Variants in ZNF18 observed in about 807,000 individuals in gnomAD.
ZNF18 encodes the protein zinc finger protein 18, also known as heart development-specific gene 1 protein.
A neutral mutation model predicts 58.1 loss-of-function variants in ZNF18; 42 were observed. The observed-to-expected ratio is 0.72, with a 90% CI of 0.56 to 0.93. The LOEUF (loss-of-function observed/expected upper bound fraction) is 0.93, where lower values mean the gene tolerates loss of function less well. Among genes scored for constraint, ZNF18 ranks in the 40% least tolerant of loss-of-function variants. ZNF18 has a pLI of 0.00. For synonymous variants in ZNF18, 231 were observed against 239.8 expected (o/e 0.96, Z 0.34); for missense variants, 540 against 644.2 (o/e 0.84, Z 1.75).
chr17:12,012,340 C>T, the ZNF18 span, among the ~76,000 whole-genome samples: 2 of 152,176 alleles, frequency 1.3e-5, no homozygotes, highest in Non-Finnish European at 2.9e-5. Flanking sequence ...GGGTAGTATT[C>T]GCTCCATGTT....
At chr17:12,004,428 G>A in the ZNF18 span, among the ~76,000 whole-genome samples, 1 of 152,088 alleles carries the variant, frequency 6.6e-6, no homozygotes, top group Non-Finnish European at 1.5e-5. Context: ...TCAGTTTGAA[G>A]ATAACAGTAA....
At chr17:11,992,384 T>C in intron 2 of ZNF18, 59 bp downstream of exon 2, 1 of 1,557,882 alleles carries the variant, frequency 6.4e-7, no homozygotes, top group Admixed American at 1.9e-5. Flanking sequence ...ACAACACACC[T>C]GATGGGACCA....
chr17:11,981,445 A>G (rs1360929747), intron 6 of ZNF18, among the ~76,000 whole-genome samples: 3 of 147,776 alleles, frequency 2.0e-5, no homozygotes, highest in Non-Finnish European at 1.5e-5. Flanking sequence ...TCAGCCTCCC[A>G]AGTAGCTGGG....
intron 3 of ZNF18, 103 bp downstream of exon 3, chr17:11,990,871 A>C: frequency 1.5e-6 from 2 of 1,312,830 alleles, no homozygotes; most frequent in Non-Finnish European, 2.1e-6. Flanking sequence ...CAAACCTCTC[A>C]GGGATACGCC....
the ZNF18 span, among the ~76,000 whole-genome samples, chr17:12,008,140 C>A: frequency 9.9e-5 from 15 of 152,106 alleles, no homozygotes; most frequent in African/African-American, 3.4e-4. Flanking sequence ...GGCTGGTTAC[C>A]CGGAATTAAG....
chr17:11,997,690 T>C (rs927832754), upstream of ZNF18, among the ~76,000 whole-genome samples: 4 of 152,222 alleles, frequency 2.6e-5, no homozygotes, highest in Non-Finnish European at 4.4e-5. Context: ...TAATCACTGT[T>C]CCTGAGTTCC....
the ZNF18 span, among the ~76,000 whole-genome samples, chr17:12,012,323 T>C: frequency 2.0e-5 from 3 of 152,236 alleles, no homozygotes; most frequent in Non-Finnish European, 4.4e-5. Context: ...TTCCTCTTCT[T>C]ACAGCTGGGT....
At chr17:11,983,200 T>C (rs770408599) in intron 6 of ZNF18, 97 bp downstream of exon 6, 29 of 832,168 alleles carry the variant, frequency 3.5e-5, no homozygotes, top group East Asian at 5.0e-5. Flanking sequence ...TAATAGAATA[T>C]TCTGCCTCCC....
chr17:11,978,694 C>T lies in ZNF18; in HGVS notation c.913G>A (p.Asp305Asn). 6.2e-7 allele frequency: 1 copy of T among 1,605,986 alleles called. No individual in the cohort carries two copies. Among genetic ancestry groups the T allele is most frequent in the South Asian group, 1.1e-5 (1 of 90,370 alleles). ...CAGGAAGCATGCAGGAGCTCCTGGT[C>T]CCTGTGATTCTCCAAATTTAGGTTC... ...KENLNLENHRDQELLHASCQA... is the reference protein window; with the variant it reads ...KENLNLENHRNQELLHASCQA... The change falls in exon 7 of 7, where the codon GAC (aspartate) becomes AAC (asparagine). Residue 305 changes from aspartate to asparagine, a missense_variant. Coordinates refer to ENST00000580306, the MANE Select transcript of ZNF18 (RefSeq NM_001303281.2).
At chr17:11,995,792 A>G (rs894128941) in intron 1 of ZNF18, 2 of 152,002 alleles carry the variant, frequency 1.3e-5, no homozygotes, top group Non-Finnish European at 2.9e-5. Context: ...CAGAGTATAC[A>G]TTCATTACAA....
chr17:11,997,776 G>C (rs1968569500), upstream of ZNF18, among the ~76,000 whole-genome samples: 1 of 152,244 alleles, frequency 6.6e-6, no homozygotes, highest in Admixed American at 6.5e-5. Flanking sequence ...GGCCTTCAAA[G>C]ATCATTTCTT....
At chr17:12,014,595 A>G in the ZNF18 span, among the ~76,000 whole-genome samples, 2 of 152,230 alleles carry the variant, frequency 1.3e-5, no homozygotes, top group Admixed American at 6.5e-5. Flanking sequence ...ATTGGCAAAT[A>G]TATAGAGACA....
At chr17:12,009,793 C>T in the ZNF18 span, among the ~76,000 whole-genome samples, 2 of 152,092 alleles carry the variant, frequency 1.3e-5, no homozygotes, top group South Asian at 2.1e-4. Flanking sequence ...CTCCTGCCTG[C>T]GTGAGACGTA....
At chr17:12,010,938 C>T in the ZNF18 span, 2 of 633,470 alleles carry the variant, frequency 3.2e-6, no homozygotes, top group Non-Finnish European at 2.9e-6. Context: ...ACGTGCTTAA[C>T]ATGCCCAATA....
chr17:11,998,822 C>CTTTTTTTTTTTTTTT (rs71142260), upstream of ZNF18, among the ~76,000 whole-genome samples: 6 of 108,520 alleles, frequency 5.5e-5, no homozygotes, highest in African/African-American at 1.1e-4. Context: ...AGTTTCTAGT[C>CTTTTTTTTTTTTTTT]TTTTTTTTTT....
chr17:11,983,210 CCT>C, intron 6 of ZNF18, 85 bp downstream of exon 6: 1 of 974,934 alleles, frequency 1.0e-6, no homozygotes, highest in Non-Finnish European at 1.6e-6. Context: ...TTCTGCCTCC[CCT>C]GACCTCCTTC....
At chr17:11,979,833 A>T (rs1315766399) in intron 6 of ZNF18, among the ~76,000 whole-genome samples, 2 of 152,230 alleles carry the variant, frequency 1.3e-5, no homozygotes, top group Non-Finnish European at 2.9e-5. Context: ...CTCAAATGGC[A>T]AAGGTACTTT....
At chr17:12,005,051 CGT>C in the ZNF18 span, among the ~76,000 whole-genome samples, 1 of 150,330 alleles carries the variant, frequency 6.7e-6, no homozygotes, top group Non-Finnish European at 1.5e-5. Context: ...AGTTTAAATA[CGT>C]GTGTATATAT....
intron 6 of ZNF18, 121 bp downstream of exon 6, chr17:11,983,176 A>C: frequency 1.5e-6 from 1 of 664,400 alleles, no homozygotes; most frequent in Non-Finnish European, 2.7e-6. Flanking sequence ...GATCATGGCT[A>C]GTTATAACCA....
Sources: allele counts gnomAD v4.1 joint callset (sites outside exome capture counted in the v4.1 genomes callset), GRCh38; gene constraint gnomAD v4.1.1; transcripts MANE v1.5; gene names NCBI Gene and HGNC (gene_info 2026-07-23, HGNC 2026-07-21).